The following PLOD2 variants were observed in gnomAD, a reference collection of about 807,000 sequenced individuals.
PLOD2 encodes the protein procollagen-lysine,2-oxoglutarate 5-dioxygenase 2.
PLOD2 carries 65 observed loss-of-function variants against 101.0 expected under a neutral mutation model. The ratio of observed to expected loss-of-function variants is 0.64; its 90% CI spans 0.53 to 0.79. PLOD2 has a LOEUF of 0.79. Among genes scored for constraint, PLOD2 ranks in the 30% least tolerant of loss-of-function variants. PLOD2 has a pLI of 0.00. For missense variants in PLOD2, 909 were observed against 914.6 expected (o/e 0.99, Z 0.08); for synonymous variants, 314 against 302.9 (o/e 1.04, Z -0.38).
chr3:146,137,947 G>C lies in PLOD2; in HGVS notation c.110-13718C>G, dbSNP rs372213989. Among the ~76,000 whole-genome samples the C allele has an allele frequency of 2.0e-5, 3 of 152,210 alleles. No individual in the cohort carries two copies. In the East Asian group the frequency reaches 5.8e-4, roughly 29 times the overall value. On this transcript the variant is annotated intron_variant, in intron 1 of 19. Transcript: ENST00000282903. Reference sequence around the variant, plus strand: ...AGACAAGTTGAGGTAATACCGCAGGGGGAAGAAACAGTTAAGTGGGTCTCA... The same window carrying C: ...AGACAAGTTGAGGTAATACCGCAGGCGGAAGAAACAGTTAAGTGGGTCTCA...
chr3:146,093,298 C>A, intron 7 of PLOD2, among the ~76,000 whole-genome samples: 1 of 152,116 alleles, frequency 6.6e-6, no homozygotes, highest in East Asian at 1.9e-4. Context: ...ATCTCTACAG[C>A]AAAATTAGAA....
At position 146,071,534 on chromosome 3, in the gene PLOD2, G is replaced by A. The variant is rs1038800599; in HGVS notation, c.1849-111C>T. The stretch of plus-strand genomic sequence containing the variant: ...ATAATAGACAATAAAAATAACAGTT[G>A]TTCCAATGTGGTATATCATCTGCTT... On this transcript the variant is annotated intron_variant, in intron 17 of 19. Transcript: ENST00000282903. The A allele has an allele frequency of 1.4e-5, 14 of 1,031,422 alleles. No homozygotes were observed. The African/African-American group carries it at 2.1e-4, about 15-fold the overall frequency. 63.9% of individuals were successfully genotyped at this position (1,031,422 alleles called of 1,614,324 possible).
intron 3 of PLOD2, among the ~76,000 whole-genome samples, chr3:146,113,949 G>C (rs2108076220): frequency 6.6e-6 from 1 of 152,252 alleles, no homozygotes; most frequent in South Asian, 2.1e-4. Context: ...CCCTGAGAAA[G>C]AAAATGCTTT....
At chr3:146,079,011 T>C (rs1936436485) in intron 13 of PLOD2, 105 bp downstream of exon 13, 1 of 1,219,676 alleles carries the variant, frequency 8.2e-7, no homozygotes, top group South Asian at 1.2e-5. Context: ...TGGCTAGTAC[T>C]TACAAATTAG....
intron 7 of PLOD2, among the ~76,000 whole-genome samples, chr3:146,096,070 G>T (rs1373069623): frequency 1.3e-5 from 2 of 149,720 alleles, no homozygotes; most frequent in Non-Finnish European, 3.0e-5. Flanking sequence ...TTTTTTTTTG[G>T]TGGAGACGGG....
intron 7 of PLOD2, among the ~76,000 whole-genome samples, chr3:146,097,955 G>A (rs1334504171): frequency 3.9e-5 from 6 of 152,036 alleles, no homozygotes; most frequent in African/African-American, 1.5e-4. Context: ...CACAGAAACG[G>A]GAAACAAACA....
intron 17 of PLOD2, 58 bp downstream of exon 17, chr3:146,072,503 T>G (rs892198006): frequency 4.8e-6 from 5 of 1,040,346 alleles, no homozygotes; most frequent in Non-Finnish European, 3.0e-6. Flanking sequence ...CCGAATTCTC[T>G]GAGTATCTAC....
intron 7 of PLOD2, among the ~76,000 whole-genome samples, chr3:146,095,409 A>G (rs1347910214): frequency 1.3e-5 from 2 of 152,110 alleles, no homozygotes; most frequent in Non-Finnish European, 2.9e-5. Context: ...GGATATGAAC[A>G]GATACTTCTC....
chr3:146,079,640 C>G (rs1346376408), intron 12 of PLOD2, among the ~76,000 whole-genome samples: 1 of 151,822 alleles, frequency 6.6e-6, no homozygotes, highest in African/African-American at 2.4e-5. Context: ...TGCACTAGAC[C>G]CAGCTCATAC....
At chr3:146,136,819 T>A (rs746074759) in intron 1 of PLOD2, among the ~76,000 whole-genome samples, 1 of 152,246 alleles carries the variant, frequency 6.6e-6, no homozygotes, top group Non-Finnish European at 1.5e-5. Flanking sequence ...CTAGGTGTGG[T>A]AAGCTACACC....
rs1435320488 is a variant in PLOD2 at position 146,071,054 on chromosome 3, T to C, written c.2109A>G (p.Gly703=). The C allele has an allele frequency of 2.5e-6, 4 of 1,607,046 alleles. No homozygotes were observed. The African/African-American group carries it at 5.4e-5, about 22-fold the overall frequency. Residue 703 remains glycine (G), a synonymous_variant, in exon 19 of 20, where the codon GGA becomes GGG. Transcript: ENST00000282903. ...GAGTCATAATTACCTGAAAGTCTTC[T>C]CCCACGTTATTAAGTGCAATGTTTA... ...FTINIALNNV[G]EDFQGGGCKF...
At chr3:146,098,817 A>G (rs1291495231) in intron 7 of PLOD2, among the ~76,000 whole-genome samples, 4 of 152,138 alleles carry the variant, frequency 2.6e-5, no homozygotes, top group African/African-American at 9.6e-5. Context: ...AAACAAAATA[A>G]TAAGTAAAAC....
At chr3:146,129,913 T>C (rs1376696024) in intron 1 of PLOD2, among the ~76,000 whole-genome samples, 1 of 152,148 alleles carries the variant, frequency 6.6e-6, no homozygotes, top group Non-Finnish European at 1.5e-5. Flanking sequence ...AATCGTCTCT[T>C]AGGCCAACTT....
intron 12 of PLOD2, among the ~76,000 whole-genome samples, 172 bp downstream of exon 12, chr3:146,081,566 A>T (rs1337969872): frequency 6.6e-6 from 1 of 152,106 alleles, no homozygotes; most frequent in Non-Finnish European, 1.5e-5. Context: ...ACATTTTTTT[A>T]AGATATTAGT....
At chr3:146,154,403 T>C (rs935703129) in intron 1 of PLOD2, among the ~76,000 whole-genome samples, 1 of 151,458 alleles carries the variant, frequency 6.6e-6, no homozygotes. Flanking sequence ...CTGGGGAGTA[T>C]CCCCATCACT....
At position 146,091,721 on chromosome 3, in the gene PLOD2, C is replaced by T. The variant is rs943840090; in HGVS notation, c.879+79G>A. On this transcript the variant is annotated intron_variant, in intron 8 of 19. Transcript: ENST00000282903. ...AAATCAAAACTATAAAATAATTTGC[C>T]TTTTTTCCTATAAATCACAGTATTT... is the stretch of plus-strand genomic sequence containing the variant. 5.9e-6 allele frequency: 5 copies of T among 844,404 alleles called. No homozygotes were observed. In the Admixed American group the frequency reaches 9.2e-5, roughly 16 times the overall value. The allele number at this position is 844,404 out of a possible 1,614,324, so 52.3% of individuals were successfully genotyped here.
rs1365908150 is a variant in PLOD2, at chr3:146,076,658, T to C, written c.1677+124A>G. 7 of 611,716 alleles carry C rather than the reference T, an allele frequency of 1.1e-5. No individual in the cohort carries two copies. The South Asian group carries it at 1.2e-4, about 11-fold the overall frequency. 37.9% of individuals were successfully genotyped at this position (611,716 alleles called of 1,614,324 possible). A position where few individuals can be genotyped will look rare whatever the true frequency, so the allele number is the denominator to read the frequency against. Reference sequence around the variant, plus strand: ...TGTGAGACAGTATCTCATTGTGGTTTTGATGTGCATTTCACCTTATGTCAT... The same window carrying C: ...TGTGAGACAGTATCTCATTGTGGTTCTGATGTGCATTTCACCTTATGTCAT... On this transcript the variant is annotated intron_variant, in intron 15 of 19. Coordinates refer to ENST00000282903, the MANE Select transcript of PLOD2 (RefSeq NM_182943.3).
intron 1 of PLOD2, among the ~76,000 whole-genome samples, chr3:146,135,043 T>C (rs1012038233): frequency 1.3e-5 from 2 of 152,212 alleles, no homozygotes; most frequent in East Asian, 1.9e-4. Flanking sequence ...TCTTCAATTA[T>C]AGTGAAATAT....
Position 146,070,705 on chromosome 3 carries a change from A to C in PLOD2, c.*12T>G. On this transcript the variant is annotated 3_prime_UTR_variant, in exon 20 of 20. Transcript: ENST00000282903. The stretch of plus-strand genomic sequence containing the variant: ...TCCAAAATAAATTTCAATTCAATGA[A>C]AAGTAAATAACTTAGGGATCTATAA... 6 of 1,572,974 alleles carry C rather than the reference A, an allele frequency of 3.8e-6. No homozygotes were observed. The highest frequency in any genetic ancestry group is 1.4e-5 in the African/African-American group (1 of 73,930).
Sources: allele counts gnomAD v4.1 joint callset (sites outside exome capture counted in the v4.1 genomes callset), GRCh38; gene constraint gnomAD v4.1.1; transcripts MANE v1.5; gene names NCBI Gene and HGNC (gene_info 2026-07-23, HGNC 2026-07-21).